Variants in AUTS2 observed in about 807,000 individuals in gnomAD.
AUTS2 encodes activator of transcription and developmental regulator AUTS2.
In AUTS2, 17 loss-of-function variants were observed where a neutral mutation model predicts 112.4. The ratio of observed to expected loss-of-function variants is 0.15; its 90% CI spans 0.10 to 0.23. The LOEUF is 0.23. Ranked by LOEUF, AUTS2 falls within the 10% of genes least tolerant of loss-of-function variation. The probability of loss-of-function intolerance (pLI) is 1.00; values close to 1 mark genes in which losing one functional copy is unlikely to be tolerated. For synonymous variants in AUTS2, 751 were observed against 702.7 expected (o/e 1.07, Z -1.09); for missense variants, 1,510 against 1,701.6 (o/e 0.89, Z 1.98).
At chr7:70,756,693 A>G (rs1789233721) in intron 6 of AUTS2, among the ~76,000 whole-genome samples, 1 of 152,162 alleles carries the variant, frequency 6.6e-6, no homozygotes. Flanking sequence ...GACTCACACA[A>G]ATACATGGTC....
At chr7:69,978,896 A>ACACG (rs1342570887) in intron 2 of AUTS2, among the ~76,000 whole-genome samples, 1 of 144,084 alleles carries the variant, frequency 6.9e-6, no homozygotes, top group Non-Finnish European at 1.5e-5. Flanking sequence ...ACACACACAC[A>ACACG]CACACGCACA....
chr7:70,611,708 T>G (rs566765237), intron 5 of AUTS2, among the ~76,000 whole-genome samples: 1 of 152,364 alleles, frequency 6.6e-6, no homozygotes, highest in Non-Finnish European at 1.5e-5. Flanking sequence ...GATAACTATC[T>G]GCACTTTACT....
At chr7:70,083,947 A>G (rs2129565568) in intron 2 of AUTS2, among the ~76,000 whole-genome samples, 1 of 152,168 alleles carries the variant, frequency 6.6e-6, no homozygotes, top group Non-Finnish European at 1.5e-5. Flanking sequence ...ATTCCATCTC[A>G]AAGAAAAAAA....
At chr7:69,643,512 T>C (rs529237943) in intron 1 of AUTS2, 28 of 152,286 alleles carry the variant, frequency 1.8e-4, no homozygotes, top group African/African-American at 6.3e-4. Flanking sequence ...CAGAAAGTCT[T>C]TGTGCTCATT....
intron 4 of AUTS2, among the ~76,000 whole-genome samples, chr7:70,165,860 C>G (rs1562755480): frequency 6.6e-6 from 1 of 152,058 alleles, no homozygotes; most frequent in Non-Finnish European, 1.5e-5. Context: ...GTGTCTCCAC[C>G]CAAATCTCAT....
intron 1 of AUTS2, among the ~76,000 whole-genome samples, chr7:69,716,285 C>T (rs1316809539): frequency 4.0e-5 from 6 of 151,512 alleles, no homozygotes; most frequent in Admixed American, 4.0e-4. Context: ...CTTTAAAAGC[C>T]CCATCTCTGT....
Position 69,966,085 on chromosome 7 carries a change from A to G in AUTS2, c.522+66587A>G, listed in dbSNP as rs1453254365. Among the ~76,000 whole-genome samples the G allele has an allele frequency of 3.3e-5, 5 of 152,298 alleles. No homozygotes were observed. The East Asian group carries it at 7.7e-4, about 23-fold the overall frequency. On this transcript the variant is annotated intron_variant, in intron 2 of 18. Transcript: ENST00000342771. ...TTAAATGAAGCTGCTGCTTAGCTCA[A>G]TGATAAGTAATAGCAGCTTCTTTTT... is the stretch of plus-strand genomic sequence containing the variant.
intron 5 of AUTS2, among the ~76,000 whole-genome samples, chr7:70,444,139 T>C (rs940729527): frequency 6.6e-6 from 1 of 152,112 alleles, no homozygotes; most frequent in African/African-American, 2.4e-5. Flanking sequence ...AAATTGACCA[T>C]GAGCCCTGAG....
At chr7:69,706,935 G>A (rs6945524) in intron 1 of AUTS2, among the ~76,000 whole-genome samples, 4,284 of 152,300 alleles carry the variant, frequency 0.028, 79 homozygotes, top group South Asian at 0.045. Flanking sequence ...GTACACAAAG[G>A]CTGGTATGTT....
At chr7:70,174,909 G>C (rs903446518) in intron 4 of AUTS2, among the ~76,000 whole-genome samples, 4 of 152,148 alleles carry the variant, frequency 2.6e-5, no homozygotes, top group Admixed American at 6.5e-5. Context: ...CCTGGTGACA[G>C]AACATTTATT....
At chr7:70,746,519 A>G (rs1313404079) in intron 6 of AUTS2, among the ~76,000 whole-genome samples, 1 of 152,266 alleles carries the variant, frequency 6.6e-6, no homozygotes, top group African/African-American at 2.4e-5. Flanking sequence ...TTATTCTATA[A>G]GAAACATAAT....
At chr7:69,770,659 T>C (rs1788622036) in intron 1 of AUTS2, among the ~76,000 whole-genome samples, 1 of 152,156 alleles carries the variant, frequency 6.6e-6, no homozygotes, top group African/African-American at 2.4e-5. Context: ...AAGACTTTTG[T>C]AAATTTCGGA....
At chr7:70,696,056 TAA>T (rs1809079472) in intron 5 of AUTS2, among the ~76,000 whole-genome samples, 1 of 152,104 alleles carries the variant, frequency 6.6e-6, no homozygotes, top group African/African-American at 2.4e-5. Flanking sequence ...ATGGTCCAGG[TAA>T]TAGAAGGAAA....
At chr7:70,165,171 A>G (rs924463042) in intron 4 of AUTS2, among the ~76,000 whole-genome samples, 1 of 152,228 alleles carries the variant, frequency 6.6e-6, no homozygotes, top group African/African-American at 2.4e-5. Context: ...ACTGAAATAG[A>G]GCAAAAAGAG....
At chr7:69,859,063 G>T (rs1410525974) in intron 1 of AUTS2, among the ~76,000 whole-genome samples, 11 of 152,198 alleles carry the variant, frequency 7.2e-5, no homozygotes, top group Non-Finnish European at 1.5e-5. Context: ...TATTGTGCTT[G>T]TTGAAGCAGA....
At chr7:70,362,663 C>T (rs548185872) in intron 4 of AUTS2, among the ~76,000 whole-genome samples, 4 of 152,264 alleles carry the variant, frequency 2.6e-5, no homozygotes, top group South Asian at 2.1e-4. Flanking sequence ...TCCTTCCTCC[C>T]TCCCTTTCTC....
Position 70,523,912 on chromosome 7 carries a change from C to G in AUTS2, c.690+88131C>G, listed in dbSNP as rs145068851. Among the ~76,000 whole-genome samples the G allele has an allele frequency of 2.0e-3, 311 of 152,296 alleles. 3 individuals are homozygous for G. The highest frequency in any genetic ancestry group is 7.3e-3 in the African/African-American group (303 of 41,552). ...GGGTTTCTCACTGCCCTGCCCCAAG[C>G]AGTAGAAACTGTAATTCCTTCACAC... On this transcript the variant is annotated intron_variant, in intron 5 of 18. Transcript: ENST00000342771.
chr7:69,923,322 A>G (rs1030003653), intron 2 of AUTS2, among the ~76,000 whole-genome samples: 2 of 152,156 alleles, frequency 1.3e-5, no homozygotes, highest in Non-Finnish European at 2.9e-5. Flanking sequence ...TATACTCTCT[A>G]TTCTGTTCCT....
At chr7:69,927,029 A>G (rs1488084283) in intron 2 of AUTS2, among the ~76,000 whole-genome samples, 1 of 147,660 alleles carries the variant, frequency 6.8e-6, no homozygotes, top group Non-Finnish European at 1.5e-5. Flanking sequence ...AATTGTAGCT[A>G]ATAAGGGAGC....
Sources: gnomAD v4.1 joint callset for allele counts (sites outside exome capture counted in the v4.1 genomes callset) on GRCh38, gnomAD v4.1.1 for gene constraint, MANE v1.5 for transcripts, NCBI Gene and HGNC (gene_info 2026-07-23, HGNC 2026-07-21) for gene names.